Variants in TMEM150B observed in about 807,000 individuals in gnomAD.
TMEM150B encodes the protein modulator of macroautophagy TMEM150B.
Under a neutral mutation model 25.2 loss-of-function variants are expected in TMEM150B, and 33 were observed. The observed-to-expected ratio is 1.31, with a 90% CI of 0.99 to 1.75. The LOEUF is 1.75. TMEM150B is among the 40% of genes most tolerant of loss of function. The pLI, the probability that TMEM150B is intolerant of heterozygous loss-of-function variation, is 0.00. For synonymous variants in TMEM150B, 133 were observed against 134.8 expected (o/e 0.99, Z 0.09); for missense variants, 322 against 306.1 (o/e 1.05, Z -0.39).
At chr19:55,318,805 G>T (rs905539840) in intron 6 of TMEM150B, among the ~76,000 whole-genome samples, 1 of 152,280 alleles carries the variant, frequency 6.6e-6, no homozygotes, top group African/African-American at 2.4e-5. Flanking sequence ...GTAAATCTCA[G>T]TCATTTCTTT....
At chr19:55,318,335 C>T (rs2089074285) in intron 6 of TMEM150B, among the ~76,000 whole-genome samples, 1 of 152,112 alleles carries the variant, frequency 6.6e-6, no homozygotes, top group South Asian at 2.1e-4. Flanking sequence ...GCACTCCAGC[C>T]TGGGCCACAG....
At chr19:55,310,651 G>A (rs1012690153), downstream of TMEM150B, among the ~76,000 whole-genome samples, 1 of 152,140 alleles carries the variant, frequency 6.6e-6, no homozygotes, top group Non-Finnish European at 1.5e-5. The surrounding 1 kb of genome is among the most constrained non-coding windows in gnomAD (Gnocchi z 5.0). Flanking sequence ...GGCCAGGGAT[G>A]CTGTAAAACA....
rs1020432373 is a variant in TMEM150B, at chr19:55,319,835, C to T, written c.324+204G>A. 3 of 1,409,868 alleles carry T rather than the reference C, an allele frequency of 2.1e-6. No individual in the cohort carries two copies. In the South Asian group the frequency reaches 4.7e-5, roughly 22 times the overall value. The allele number at this position is 1,409,868 out of a possible 1,614,324, so 87.3% of individuals were successfully genotyped here. On this transcript the variant is annotated intron_variant, in intron 6 of 7. Coordinates refer to ENST00000326652, the MANE Select transcript of TMEM150B (RefSeq NM_001282011.2). ...CTGGAAGTCAACGAAGTCCTACATA[C>T]AAACAGCCTCGCTCGTAGTGCCCCA...
intron 7 of TMEM150B, among the ~76,000 whole-genome samples, chr19:55,315,861 C>G (rs543551299): frequency 6.6e-6 from 1 of 152,054 alleles, no homozygotes; most frequent in East Asian, 1.9e-4. Flanking sequence ...ACCCGGGAGG[C>G]GGAGGTTGCA....
Position 55,322,712 on chromosome 19 carries a change from C to G in TMEM150B, c.-122G>C, listed in dbSNP as rs544746929. 1.0e-6 allele frequency: 1 copy of G among 985,256 alleles called. No homozygotes were observed. Among genetic ancestry groups the G allele is most frequent in the African/African-American group, 1.7e-5 (1 of 57,170 alleles). 61.0% of individuals were successfully genotyped at this position (985,256 alleles called of 1,614,324 possible). ...GCTGGGTGAGCTCAGGGAAGAAGGG[C>G]TGGCATTCGGGGTGGGGCTCAGGCA... On this transcript the variant is annotated 5_prime_UTR_variant, in exon 2 of 8. Transcript: ENST00000326652.
downstream of TMEM150B, among the ~76,000 whole-genome samples, chr19:55,310,804 G>C (rs2088771240): frequency 6.6e-6 from 1 of 152,152 alleles, no homozygotes; most frequent in Admixed American, 6.5e-5. The surrounding 1 kb of genome is among the most constrained non-coding windows in gnomAD (Gnocchi z 5.0). Context: ...GCCGAGGAAA[G>C]CTGGCCTCAG....
chr19:55,314,448 G>C (rs914340909), intron 7 of TMEM150B, among the ~76,000 whole-genome samples: 3 of 152,134 alleles, frequency 2.0e-5, no homozygotes, highest in Non-Finnish European at 2.9e-5. Flanking sequence ...CTTTCTGCTC[G>C]GTGCGTGTAC....
At chr19:55,313,530 T>C (rs895076979) in intron 7 of TMEM150B, among the ~76,000 whole-genome samples, 1 of 152,036 alleles carries the variant, frequency 6.6e-6, no homozygotes. Flanking sequence ...CAGAGCCTAA[T>C]CTCTTCCCTG....
chr19:55,313,932 G>T (rs886345082), intron 7 of TMEM150B, among the ~76,000 whole-genome samples: 5 of 152,208 alleles, frequency 3.3e-5, no homozygotes, highest in Admixed American at 3.3e-4. Flanking sequence ...AGAAGTGGTG[G>T]CTCACGCCTA....
At position 55,313,126 on chromosome 19, in the gene TMEM150B, C is replaced by G. The variant is rs1441131391; in HGVS notation, c.506-71G>C. On this transcript the variant is annotated intron_variant, in intron 7 of 7. Coordinates refer to ENST00000326652, the MANE Select transcript of TMEM150B (RefSeq NM_001282011.2). Reference sequence around the variant, plus strand: ...GCCCGGCCTGGTCTCTGTGCCGCCTCGCGCTGGGCGGAGGCCGTCTCTGGG... The same window carrying G: ...GCCCGGCCTGGTCTCTGTGCCGCCTGGCGCTGGGCGGAGGCCGTCTCTGGG... 4.7e-6 allele frequency: 7 copies of G among 1,477,586 alleles called. No individual in the cohort carries two copies. The African/African-American group carries it at 7.0e-5, about 15-fold the overall frequency. 91.5% of individuals were successfully genotyped at this position (1,477,586 alleles called of 1,614,324 possible).
chr19:55,323,099 T>G (rs566457094), intron 1 of TMEM150B, among the ~76,000 whole-genome samples: 1 of 152,288 alleles, frequency 6.6e-6, no homozygotes, highest in South Asian at 2.1e-4. Flanking sequence ...CTCGTGTCTT[T>G]TAATGGACAT....
chr19:55,310,935 G>A (rs2088775667), downstream of TMEM150B, among the ~76,000 whole-genome samples: 1 of 152,050 alleles, frequency 6.6e-6, no homozygotes, highest in African/African-American at 2.4e-5. The surrounding 1 kb of genome is among the most constrained non-coding windows in gnomAD (Gnocchi z 5.0). Context: ...CCGAGTCACC[G>A]TGGTTGCTAT....
chr19:55,324,604 C>T (rs1269045340), intron 1 of TMEM150B: 1 of 604,368 alleles, frequency 1.7e-6, no homozygotes, highest in Non-Finnish European at 2.1e-6. Flanking sequence ...GCCGAGATCG[C>T]ACCACTGCAT....
chr19:55,322,043 G>A (rs1008954831), intron 2 of TMEM150B, among the ~76,000 whole-genome samples: 1 of 152,106 alleles, frequency 6.6e-6, no homozygotes, highest in African/African-American at 2.4e-5. Context: ...TGCTCCTGCC[G>A]CCTGACCCTT....
intron 6 of TMEM150B, chr19:55,319,669 C>T (rs958725495): frequency 2.2e-6 from 2 of 927,628 alleles, no homozygotes; most frequent in East Asian, 1.9e-4. Flanking sequence ...AGGCTGGTCT[C>T]AAACTCCTCA....
chr19:55,320,525 TC>T, intron 4 of TMEM150B, 32 bp downstream of exon 4: 3 of 1,612,738 alleles, frequency 1.9e-6, no homozygotes, highest in Admixed American at 3.3e-5. Flanking sequence ...GCAGCGGCGA[TC>T]CCCCCAAATC....
At chr19:55,315,760 C>CA (rs1224362945) in intron 7 of TMEM150B, among the ~76,000 whole-genome samples, 1,014 of 81,780 alleles carry the variant, frequency 0.012, 7 homozygotes, top group African/African-American at 0.024. Context: ...GACTCCGTCT[C>CA]AAAAAAAAAA....
At chr19:55,317,652 G>A (rs1415790636) in intron 6 of TMEM150B, among the ~76,000 whole-genome samples, 1 of 151,938 alleles carries the variant, frequency 6.6e-6, no homozygotes, top group Admixed American at 6.6e-5. Context: ...GTGGTGGCGG[G>A]CACCTGTAAT....
In TMEM150B at chr19:55,317,013, G is replaced by A. The variant is rs750858113; in HGVS notation, c.325-47C>T. Reference sequence around the variant, plus strand: ...TGGGAGGGAGACTCTGGGAAGGAGGGTAAGGGGCACCAGAGGGGCCAGGGC... The same window carrying A: ...TGGGAGGGAGACTCTGGGAAGGAGGATAAGGGGCACCAGAGGGGCCAGGGC... On this transcript the variant is annotated intron_variant, in intron 6 of 7. Transcript: ENST00000326652. The A allele has an allele frequency of 1.2e-5, 19 of 1,552,444 alleles. No homozygotes were observed. In the South Asian group the frequency reaches 2.2e-4, roughly 18 times the overall value.
Sources: allele counts gnomAD v4.1 joint callset (sites outside exome capture counted in the v4.1 genomes callset), GRCh38; gene constraint gnomAD v4.1.1; non-coding constraint Gnocchi (gnomAD v3.1); transcripts MANE v1.5; gene names NCBI Gene and HGNC (gene_info 2026-07-23, HGNC 2026-07-21).